Variants in ACP6 observed in about 807,000 individuals in gnomAD.
ACP6 encodes acid phosphatase 6, lysophosphatidic.
Under a neutral mutation model 48.1 loss-of-function variants are expected in ACP6, and 48 were observed. The observed-to-expected ratio is 1.00, with a 90% CI of 0.79 to 1.27. The LOEUF is 1.27. Among genes scored for constraint, ACP6 ranks in the 50% most tolerant of loss-of-function variants. ACP6 has a pLI of 0.00. For missense variants in ACP6, 485 were observed against 529.1 expected (o/e 0.92, Z 0.82); for synonymous variants, 172 against 204.2 (o/e 0.84, Z 1.34).
At position 147,652,579 on chromosome 1, in the gene ACP6, A is replaced by C. The variant is rs782618123; in HGVS notation, c.781-30T>G. ...AAGGGCCACATGTAGTTTTAGAAAAAAATGCTTCTTACCTACTGATTCTGG... is the reference window on the plus strand; with the variant it reads ...AAGGGCCACATGTAGTTTTAGAAAACAATGCTTCTTACCTACTGATTCTGG... On this transcript the variant is annotated intron_variant, in intron 6 of 9. Transcript: ENST00000583509. 14 of 1,613,716 alleles carry C rather than the reference A, an allele frequency of 8.7e-6. No homozygotes were observed. In the African/African-American group the frequency reaches 1.9e-4, roughly 22 times the overall value.
intron 3 of ACP6, 75 bp from the exon 4 acceptor site, chr1:147,659,114 C>A: frequency 7.4e-7 from 1 of 1,351,370 alleles, no homozygotes. Context: ...ATTCCACATA[C>A]GCTCCAGGGG....
At chr1:147,636,512 G>A (rs587622253) in intron 5 of ACP6, among the ~76,000 whole-genome samples, 5 of 152,272 alleles carry the variant, frequency 3.3e-5, no homozygotes, top group East Asian at 1.9e-4. Flanking sequence ...GACACATCCC[G>A]GAAGCCAGAT....
chr1:147,637,943 A>C (rs776996982), downstream of ACP6, among the ~76,000 whole-genome samples: 1 of 152,196 alleles, frequency 6.6e-6, no homozygotes, highest in Non-Finnish European at 1.5e-5. Flanking sequence ...TTTTATGCAA[A>C]TCTTTGAAAA....
chr1:147,669,104 A>G (rs923585025), intron 1 of ACP6, among the ~76,000 whole-genome samples: 1 of 151,950 alleles, frequency 6.6e-6, no homozygotes, highest in Non-Finnish European at 1.5e-5. Flanking sequence ...TTTTTTTTAA[A>G]CTATTTGTGC....
chr1:147,651,434 G>A (rs1371231679), intron 7 of ACP6: 2 of 152,136 alleles, frequency 1.3e-5, no homozygotes, highest in Non-Finnish European at 2.9e-5. Context: ...CATGTTACAA[G>A]GGCAGAGATG....
At chr1:147,649,605 C>A (rs1157128904) in intron 8 of ACP6, among the ~76,000 whole-genome samples, 1 of 152,032 alleles carries the variant, frequency 6.6e-6, no homozygotes, top group Non-Finnish European at 1.5e-5. Context: ...CCACCATGCC[C>A]GGATAATTTT....
Position 147,652,547 on chromosome 1 carries a change from T to C in ACP6, c.783A>G (p.Ala261=), listed in dbSNP as rs1553210756. 1.9e-6 allele frequency: 3 copies of C among 1,614,096 alleles called. No individual in the cohort carries two copies. Among genetic ancestry groups the C allele is most frequent in the African/African-American group, 2.7e-5 (2 of 75,018 alleles). ...GCATGGGGCAGCTTGGGAGGTTGTG[T>C]GCCTGAAAGGGCCACATGTAGTTTT... is the stretch of plus-strand genomic sequence containing the variant. ...ILLDNVAAEQ[A]HNLPSCPMLK... The change falls in exon 7 of 10, where the codon GCA becomes GCG. Residue 261 remains alanine, a splice_region_variant and synonymous_variant. Coordinates refer to ENST00000583509, the MANE Select transcript of ACP6 (RefSeq NM_016361.5).
In ACP6 at chr1:147,654,220, G is replaced by T; in HGVS notation, c.754C>A (p.Leu252Ile). The T allele has an allele frequency of 6.2e-7, 1 of 1,614,200 alleles. No homozygotes were observed. Among genetic ancestry groups the T allele is most frequent in the Admixed American group, 1.7e-5 (1 of 60,018 alleles). Residue 252 changes from leucine (L) to isoleucine (I), a missense_variant, in exon 6 of 10, where the codon CTC (leucine) becomes ATC (isoleucine). Coordinates refer to ENST00000583509, the MANE Select transcript of ACP6 (RefSeq NM_016361.5). ...DSSDKVDFFI[L>I]LDNVAAEQAH... is the part of the protein sequence containing the mutation. Reference sequence around the variant, plus strand: ...TGCTCGGCAGCCACGTTGTCCAGGAGGATGAAGAAGTCCACTTTATCACTA... The same window carrying T: ...TGCTCGGCAGCCACGTTGTCCAGGATGATGAAGAAGTCCACTTTATCACTA...
In ACP6 at chr1:147,645,516, C is replaced by G. The variant is rs922594869; in HGVS notation, c.*1907G>C. 2 of 152,226 alleles carry G rather than the reference C, an allele frequency of 1.3e-5. No individual in the cohort carries two copies. Among genetic ancestry groups the G allele is most frequent in the African/African-American group, 2.4e-5 (1 of 41,428 alleles). The allele number at this position is 152,226 out of a possible 1,614,324, so 9.4% of individuals were successfully genotyped here. On this transcript the variant is annotated 3_prime_UTR_variant, in exon 10 of 10. Coordinates refer to ENST00000583509, the MANE Select transcript of ACP6 (RefSeq NM_016361.5). ...TAGAAAAAGGTAGATTCAGCAGGAA[C>G]AAAGTCGAGAAATTGGAGGAAAACC...
At chr1:147,665,459 A>G (rs1374732868) in intron 1 of ACP6, among the ~76,000 whole-genome samples, 1 of 152,248 alleles carries the variant, frequency 6.6e-6, no homozygotes, top group African/African-American at 2.4e-5. Context: ...TGAGCCTTGT[A>G]ATGGAGATAT....
In ACP6 at chr1:147,654,437, AT is replaced by A. The variant is rs138952863; in HGVS notation, c.648-112del. On this transcript the variant is annotated intron_variant, in intron 5 of 9. Transcript: ENST00000583509. ...GATATCATTTAATCCCCACAACCCA[AT>A]GGGGTTAGCTGGTATTATCCCAATT... 3.1e-3 allele frequency: 3,912 copies of A among 1,258,524 alleles called. 109 individuals are homozygous for A. The African/African-American group carries it at 0.05, about 16-fold the overall frequency. 78.0% of individuals were successfully genotyped at this position (1,258,524 alleles called of 1,614,324 possible). A position where few individuals can be genotyped will look rare whatever the true frequency, so the allele number is the denominator to read the frequency against.
intron 4 of ACP6, 104 bp downstream of exon 4, chr1:147,658,856 G>A (rs1660385511): frequency 8.8e-7 from 1 of 1,138,518 alleles, no homozygotes; most frequent in Non-Finnish European, 1.3e-6. Flanking sequence ...ACATGCAGGA[G>A]AAAAAAAGTC....
intron 1 of ACP6, among the ~76,000 whole-genome samples, chr1:147,662,128 C>G (rs1402258350): frequency 6.6e-6 from 1 of 152,218 alleles, no homozygotes; most frequent in Admixed American, 6.5e-5. Flanking sequence ...TTGAGACCTA[C>G]TGCTCAAAAG....
chr1:147,642,799 C>G lies in ACP6; in HGVS notation c.*4624G>C, dbSNP rs587699671. ...TCAGGGAAATAAGCATATAGATACA[C>G]AAATATGTAATATCCGGCACTGATA... On this transcript the variant is annotated 3_prime_UTR_variant, in exon 10 of 10. Coordinates refer to ENST00000583509, the MANE Select transcript of ACP6 (RefSeq NM_016361.5). 9.9e-5 allele frequency: 15 copies of G among 152,240 alleles called. No homozygotes were observed. The highest frequency in any genetic ancestry group is 3.6e-4 in the African/African-American group (15 of 41,536). The allele number at this position is 152,240 out of a possible 1,614,324, so 9.4% of individuals were successfully genotyped here.
chr1:147,659,320 T>A (rs964229600), intron 3 of ACP6, 76 bp downstream of exon 3: 55 of 1,562,580 alleles, frequency 3.5e-5, no homozygotes, highest in Non-Finnish European at 4.6e-5. Flanking sequence ...GTGGGAACCA[T>A]CTTGGGGAGT....
intron 1 of ACP6, among the ~76,000 whole-genome samples, chr1:147,663,652 A>C (rs1483209103): frequency 6.6e-6 from 1 of 152,100 alleles, no homozygotes; most frequent in Non-Finnish European, 1.5e-5. Flanking sequence ...CTCTTAAAAA[A>C]ATTTTAAAAA....
intron 5 of ACP6, among the ~76,000 whole-genome samples, chr1:147,636,637 AT>A (rs1659310484): frequency 6.6e-6 from 1 of 152,180 alleles, no homozygotes; most frequent in Non-Finnish European, 1.5e-5. Flanking sequence ...GCTGCTTCAC[AT>A]TTGGATGTCA....
chr1:147,661,255 C>T (rs587759842), intron 1 of ACP6, among the ~76,000 whole-genome samples: 9 of 152,146 alleles, frequency 5.9e-5, no homozygotes, highest in African/African-American at 2.2e-4. Flanking sequence ...CTTGGCTCAT[C>T]CTCTCACCTC....
At chr1:147,659,340 T>G in intron 3 of ACP6, 56 bp downstream of exon 3, 1 of 1,588,834 alleles carries the variant, frequency 6.3e-7, no homozygotes, top group South Asian at 1.2e-5. Flanking sequence ...TCAGGACAGG[T>G]ATCCTCATGT....
Sources: gnomAD v4.1 joint callset for allele counts (sites outside exome capture counted in the v4.1 genomes callset) on GRCh38, gnomAD v4.1.1 for gene constraint, MANE v1.5 for transcripts, NCBI Gene and HGNC (gene_info 2026-07-23, HGNC 2026-07-21) for gene names.